PPP1R9A: variants seen among roughly 807,000 people sequenced by gnomAD.
PPP1R9A encodes the protein protein phosphatase 1 regulatory subunit 9A.
A neutral mutation model predicts 141.9 loss-of-function variants in PPP1R9A; 59 were observed. That is an observed-to-expected ratio of 0.42 (90% CI 0.34 to 0.52). The LOEUF is 0.52. Ranked by LOEUF, PPP1R9A falls within the 20% of genes least tolerant of loss-of-function variation. The pLI, the probability that PPP1R9A is intolerant of heterozygous loss-of-function variation, is 0.10. For missense variants in PPP1R9A, 1,444 were observed against 1,611.9 expected (o/e 0.90, Z 1.78); for synonymous variants, 500 against 569.7 (o/e 0.88, Z 1.74).
At chr7:95,231,222 C>A (rs547581180) in intron 8 of PPP1R9A, among the ~76,000 whole-genome samples, 14 of 152,112 alleles carry the variant, frequency 9.2e-5, no homozygotes, top group Non-Finnish European at 1.8e-4. Flanking sequence ...ACTATATTTG[C>A]AGCTAACACT....
chr7:95,135,921 C>G (rs554425591), intron 4 of PPP1R9A, among the ~76,000 whole-genome samples: 1 of 131,500 alleles, frequency 7.6e-6, no homozygotes, highest in South Asian at 2.5e-4. Context: ...TGCCATGGCT[C>G]AACTTTAATT....
intron 2 of PPP1R9A, among the ~76,000 whole-genome samples, chr7:95,043,523 G>C (rs147730427): frequency 5.3e-5 from 8 of 152,092 alleles, no homozygotes; most frequent in African/African-American, 1.9e-4. Context: ...AACAACACAA[G>C]GGCACAGTGA....
intron 2 of PPP1R9A, among the ~76,000 whole-genome samples, chr7:94,994,671 G>A (rs1340299231): frequency 1.1e-4 from 16 of 152,118 alleles, no homozygotes; most frequent in Admixed American, 3.9e-4. Flanking sequence ...TGAGGCAGAC[G>A]GATCACGAGG....
intron 2 of PPP1R9A, among the ~76,000 whole-genome samples, chr7:95,017,193 A>G (rs907426937): frequency 2.6e-5 from 4 of 152,204 alleles, no homozygotes; most frequent in African/African-American, 9.6e-5. Context: ...ACTGCAAGAT[A>G]ATAAATTTTT....
chr7:95,191,845 A>G (rs1335698297), intron 5 of PPP1R9A, among the ~76,000 whole-genome samples: 3 of 152,076 alleles, frequency 2.0e-5, no homozygotes, highest in Non-Finnish European at 4.4e-5. Context: ...ACAAGAGAAA[A>G]TATTATTAAT....
intron 2 of PPP1R9A, among the ~76,000 whole-genome samples, chr7:94,961,570 A>G (rs757337521): frequency 6.6e-6 from 1 of 151,818 alleles, no homozygotes; most frequent in Non-Finnish European, 1.5e-5. Context: ...CTTTATAGGA[A>G]GTTTAAGTAT....
intron 2 of PPP1R9A, among the ~76,000 whole-genome samples, chr7:95,000,306 C>CT (rs1040192791): frequency 2.2e-4 from 33 of 152,268 alleles, no homozygotes; most frequent in African/African-American, 7.9e-4. Context: ...CATGACAGGC[C>CT]TAACAGATCT....
chr7:95,194,073 G>A (rs1163904140), intron 5 of PPP1R9A, among the ~76,000 whole-genome samples: 3 of 151,884 alleles, frequency 2.0e-5, no homozygotes, highest in African/African-American at 7.2e-5. Flanking sequence ...TGTCAACTTT[G>A]TAGTAAGTGA....
chr7:95,159,448 G>T (rs1320882236), intron 4 of PPP1R9A, among the ~76,000 whole-genome samples: 1 of 152,006 alleles, frequency 6.6e-6, no homozygotes, highest in East Asian at 1.9e-4. Context: ...AAGTTCTGGG[G>T]TACATGTGCA....
chr7:94,949,211 G>C (rs4727307), intron 2 of PPP1R9A, among the ~76,000 whole-genome samples: 97,311 of 151,944 alleles, frequency 0.64, 32,421 homozygotes, highest in East Asian at 1. Context: ...TTACATGGAG[G>C]TGACTCAAGG....
At chr7:95,261,339 T>TCAGGTC (rs1800398771) in intron 12 of PPP1R9A, among the ~76,000 whole-genome samples, 1 of 152,222 alleles carries the variant, frequency 6.6e-6, no homozygotes, top group South Asian at 2.1e-4. Flanking sequence ...AATTAGAGTA[T>TCAGGTC]CAGGTCCATC....
chr7:95,022,626 A>C (rs1806153133), intron 2 of PPP1R9A, among the ~76,000 whole-genome samples: 1 of 152,160 alleles, frequency 6.6e-6, no homozygotes, highest in African/African-American at 2.4e-5. Flanking sequence ...TGTCACAAAT[A>C]GCTGGTCTTA....
intron 2 of PPP1R9A, among the ~76,000 whole-genome samples, chr7:95,100,839 G>A (rs1818669831): frequency 7.5e-6 from 1 of 133,376 alleles, no homozygotes; most frequent in African/African-American, 2.8e-5. Context: ...CAGGTTCTTT[G>A]TCTGATTTTT....
chr7:95,118,829 A>C (rs1821988232), intron 3 of PPP1R9A, among the ~76,000 whole-genome samples: 1 of 151,282 alleles, frequency 6.6e-6, no homozygotes, highest in Non-Finnish European at 1.5e-5. Flanking sequence ...AAAAAACACA[A>C]AAAATTACCC....
At chr7:94,997,665 T>C (rs1802367492) in intron 2 of PPP1R9A, among the ~76,000 whole-genome samples, 1 of 152,224 alleles carries the variant, frequency 6.6e-6, no homozygotes, top group African/African-American at 2.4e-5. Context: ...CCCAGTCTCA[T>C]AGAATTTTCT....
intron 12 of PPP1R9A, among the ~76,000 whole-genome samples, chr7:95,267,788 A>G (rs1801534432): frequency 6.6e-6 from 1 of 152,180 alleles, no homozygotes; most frequent in Non-Finnish European, 1.5e-5. Context: ...AGTCAGAGGC[A>G]CATACAAATA....
chr7:94,933,722 G>C (rs949976064), intron 2 of PPP1R9A, among the ~76,000 whole-genome samples: 11 of 152,098 alleles, frequency 7.2e-5, no homozygotes, highest in Non-Finnish European at 1.3e-4. Flanking sequence ...TACAATAGCT[G>C]ATCACTTTTT....
upstream of PPP1R9A, chr7:94,907,391 C>T (rs914405983): frequency 4.6e-5 from 7 of 152,398 alleles, no homozygotes; most frequent in East Asian, 1.4e-3. Flanking sequence ...TCTTGGCCTT[C>T]CAGGTCAGCA....
At chr7:95,122,370 C>T (rs987407947) in intron 4 of PPP1R9A, among the ~76,000 whole-genome samples, 1 of 152,154 alleles carries the variant, frequency 6.6e-6, no homozygotes, top group African/African-American at 2.4e-5. Context: ...TGGCCTCGAA[C>T]TCCTGACCTC....
Sources: gnomAD v4.1 joint callset for allele counts (sites outside exome capture counted in the v4.1 genomes callset) on GRCh38, gnomAD v4.1.1 for gene constraint, MANE v1.5 for transcripts, NCBI Gene and HGNC (gene_info 2026-07-23, HGNC 2026-07-21) for gene names.